Variants in DGKB observed in about 807,000 individuals in gnomAD.
DGKB encodes diacylglycerol kinase beta.
In DGKB, 67 loss-of-function variants were observed where a neutral mutation model predicts 114.3. That is an observed-to-expected ratio of 0.59 (90% CI 0.48 to 0.72). DGKB has a LOEUF of 0.72. Ranked by LOEUF, DGKB falls within the 30% of genes least tolerant of loss-of-function variation. The pLI, the probability that DGKB is intolerant of heterozygous loss-of-function variation, is 0.00. For missense variants in DGKB, 907 were observed against 975.2 expected, an observed-to-expected ratio of 0.93 and a Z score of 0.93; for synonymous variants, 398 against 323.1, an observed-to-expected ratio of 1.23 and a Z score of -2.49.
intron 2 of DGKB, among the ~76,000 whole-genome samples, chr7:14,796,568 A>G (rs1841436646): frequency 6.6e-6 from 1 of 152,188 alleles, no homozygotes; most frequent in Non-Finnish European, 1.5e-5. Flanking sequence ...AATCAAAGCA[A>G]TGAATACCAA....
intron 20 of DGKB, among the ~76,000 whole-genome samples, chr7:14,498,856 T>G (rs1001598663): frequency 4.0e-5 from 6 of 151,654 alleles, no homozygotes; most frequent in African/African-American, 1.5e-4. Context: ...ATAAGGGAAA[T>G]AGATTATATT....
At chr7:14,489,307 G>A (rs2128928882) in intron 20 of DGKB, among the ~76,000 whole-genome samples, 1 of 152,230 alleles carries the variant, frequency 6.6e-6, no homozygotes, top group South Asian at 2.1e-4. Context: ...GAGAAATCAA[G>A]TCAATGTAAT....
Position 14,583,123 on chromosome 7 carries a change from C to T in DGKB, c.1448G>A (p.Arg483His), listed in dbSNP as rs770790132. The T allele has an allele frequency of 3.4e-5, 54 of 1,610,322 alleles. No homozygotes were observed. The highest frequency in any genetic ancestry group is 1.0e-4 in the Admixed American group (6 of 59,422). ...NGPMPGLNFF[R>H]DVPDFRVLAC... is the part of the protein sequence containing the mutation. ...TAACACTCTGAAGTCAGGAACATCA[C>T]GGAAAAAGTTTAACCTGAAAAATAA... Residue 483 changes from arginine (R) to histidine (H), a missense_variant, in exon 18 of 26, where the codon CGT becomes CAT. Physicochemically the swap from Arg to His is conservative, Grantham distance 29. Around this residue, in one of 3 missense-constraint regions of DGKB, gnomAD observed 814 missense variants for 856.6 expected, o/e 0.95. Transcript: ENST00000402815.
At chr7:14,852,675 G>A (rs938491633) in intron 1 of DGKB, among the ~76,000 whole-genome samples, 4 of 152,046 alleles carry the variant, frequency 2.6e-5, no homozygotes, top group African/African-American at 9.6e-5. Flanking sequence ...TACGAATAAA[G>A]GATAACTCTT....
chr7:14,196,700 A>G (rs1209899037), intron 23 of DGKB, among the ~76,000 whole-genome samples: 1 of 152,130 alleles, frequency 6.6e-6, no homozygotes, highest in Non-Finnish European at 1.5e-5. Flanking sequence ...CTTAGAAGAG[A>G]GAACTTGCAA....
At chr7:14,717,497 T>C (rs949390277) in intron 6 of DGKB, among the ~76,000 whole-genome samples, 1 of 152,118 alleles carries the variant, frequency 6.6e-6, no homozygotes, top group Admixed American at 6.5e-5. Flanking sequence ...ATAATAAATA[T>C]ATATTTAAAG....
At chr7:14,184,717 G>C (rs943641985) in intron 23 of DGKB, among the ~76,000 whole-genome samples, 1 of 152,032 alleles carries the variant, frequency 6.6e-6, no homozygotes, top group Non-Finnish European at 1.5e-5. Context: ...GAAGACAAAG[G>C]GCATATAATC....
intron 5 of DGKB, 98 bp from the exon 6 acceptor site, chr7:14,718,783 A>C: frequency 3.2e-6 from 3 of 925,420 alleles, no homozygotes; most frequent in Non-Finnish European, 4.8e-6. Flanking sequence ...CTACATAGAA[A>C]TTTATATTTT....
chr7:14,496,241 A>T (rs1181714616), intron 20 of DGKB, among the ~76,000 whole-genome samples: 2 of 151,812 alleles, frequency 1.3e-5, no homozygotes, highest in African/African-American at 4.8e-5. Context: ...TGTAGAAGTA[A>T]TGCCCATATG....
chr7:14,733,996 A>G (rs1831318004), intron 5 of DGKB, among the ~76,000 whole-genome samples: 1 of 150,668 alleles, frequency 6.6e-6, no homozygotes, highest in South Asian at 2.1e-4. Flanking sequence ...AATGTCCATT[A>G]TTGAACTTAT....
chr7:14,307,286 T>C (rs1804643452), intron 23 of DGKB, among the ~76,000 whole-genome samples: 1 of 152,154 alleles, frequency 6.6e-6, no homozygotes, highest in Non-Finnish European at 1.5e-5. Context: ...ATTTTAATAG[T>C]ATAGAAAATG....
At chr7:14,475,546 A>G (rs1000528452) in intron 21 of DGKB, among the ~76,000 whole-genome samples, 12 of 152,162 alleles carry the variant, frequency 7.9e-5, no homozygotes, top group African/African-American at 1.4e-4. Context: ...TATTTGGCCA[A>G]TAATACATTG....
intron 2 of DGKB, among the ~76,000 whole-genome samples, chr7:14,794,335 G>A (rs1364461967): frequency 1.3e-5 from 2 of 152,014 alleles, no homozygotes; most frequent in African/African-American, 4.8e-5. Flanking sequence ...ATAGACTAGG[G>A]CCTAAAATTT....
At chr7:14,631,357 G>C (rs1809674318) in intron 13 of DGKB, among the ~76,000 whole-genome samples, 1 of 151,254 alleles carries the variant, frequency 6.6e-6, no homozygotes. Context: ...TGGACTAAAA[G>C]CATTCAGTGC....
chr7:14,513,161 C>G lies in DGKB; in HGVS notation c.1771-34936G>C, dbSNP rs551398642. Among the ~76,000 whole-genome samples, 7 of 152,080 alleles carry G rather than the reference C, an allele frequency of 4.6e-5. No homozygotes were observed. In the South Asian group the frequency reaches 8.3e-4, roughly 18 times the overall value. On this transcript the variant is annotated intron_variant, in intron 20 of 25. Transcript: ENST00000402815. ...ATTATAAAAGTGCTATTAATAACAG[C>G]CTTTTAATATTTAAAAGAGAAGAGT...
intron 1 of DGKB, among the ~76,000 whole-genome samples, chr7:14,895,404 G>A (rs989648174): frequency 6.6e-6 from 1 of 151,472 alleles, no homozygotes; most frequent in African/African-American, 2.4e-5. Flanking sequence ...GAGGTTTGCA[G>A]GTGGGGCAGG....
intron 21 of DGKB, among the ~76,000 whole-genome samples, chr7:14,460,764 A>T (rs1832965180): frequency 6.6e-6 from 1 of 152,172 alleles, no homozygotes; most frequent in South Asian, 2.1e-4. Context: ...CCTAATAGAC[A>T]TCTACAGAAT....
intron 13 of DGKB, among the ~76,000 whole-genome samples, chr7:14,660,733 C>A (rs1331635865): frequency 6.6e-6 from 1 of 151,834 alleles, no homozygotes. Context: ...CAAAAAAGAG[C>A]CCGCATCGCC....
chr7:14,481,126 C>T (rs905971915), intron 20 of DGKB, among the ~76,000 whole-genome samples: 14 of 151,798 alleles, frequency 9.2e-5, no homozygotes, highest in African/African-American at 2.7e-4. Flanking sequence ...ACTTTTCTTG[C>T]TACGTGTACA....
Sources: gnomAD v4.1 joint callset for allele counts (sites outside exome capture counted in the v4.1 genomes callset) on GRCh38, gnomAD v4.1.1 for gene constraint, gnomAD v4.1.1 regional missense constraint, MANE v1.5 for transcripts, NCBI Gene and HGNC (gene_info 2026-07-23, HGNC 2026-07-21) for gene names.